The following DNER variants were observed in gnomAD, a reference collection of about 807,000 sequenced individuals.
DNER encodes delta/notch like EGF repeat containing, also known as delta and Notch-like epidermal growth factor-related receptor.
DNER carries 33 observed loss-of-function variants against 78.2 expected under a neutral mutation model. That is an observed-to-expected ratio of 0.42 (90% CI 0.32 to 0.56). The LOEUF (loss-of-function observed/expected upper bound fraction) is 0.56. Ranked by LOEUF, DNER falls within the 20% of genes least tolerant of loss-of-function variation. The pLI is 0.11. For synonymous variants in DNER, 417 were observed against 384.8 expected, an observed-to-expected ratio of 1.08 and a Z score of -0.98; for missense variants, 918 against 975.3, an observed-to-expected ratio of 0.94 and a Z score of 0.78.
At chr2:229,442,157 A>T (rs1287265473) in intron 8 of DNER, among the ~76,000 whole-genome samples, 1 of 152,168 alleles carries the variant, frequency 6.6e-6, no homozygotes, top group Non-Finnish European at 1.5e-5. Flanking sequence ...ATTCTATACA[A>T]TCTACAACTC....
chr2:229,369,713 C>T (rs913775996), intron 11 of DNER, among the ~76,000 whole-genome samples: 1 of 152,176 alleles, frequency 6.6e-6, no homozygotes, highest in Admixed American at 6.5e-5. Flanking sequence ...ACAATGTAAT[C>T]TCTGTGATTG....
intron 11 of DNER, among the ~76,000 whole-genome samples, chr2:229,370,524 G>C (rs1366002667): frequency 2.0e-5 from 3 of 152,188 alleles, no homozygotes; most frequent in African/African-American, 7.2e-5. Flanking sequence ...AAGGGAGAAG[G>C]TGTTTGGGGA....
At chr2:229,433,181 G>A (rs59561231) in intron 8 of DNER, among the ~76,000 whole-genome samples, 5,111 of 152,162 alleles carry the variant, frequency 0.034, 271 homozygotes, top group African/African-American at 0.11. Context: ...TATGTGATCC[G>A]TCCGCCTTGG....
intron 1 of DNER, among the ~76,000 whole-genome samples, chr2:229,624,078 G>A (rs1333225411): frequency 6.6e-6 from 1 of 152,156 alleles, no homozygotes; most frequent in African/African-American, 2.4e-5. Flanking sequence ...AAATTTTTCA[G>A]ACAGTGTTTA....
At chr2:229,501,347 A>G (rs139064384) in intron 6 of DNER, among the ~76,000 whole-genome samples, 2,029 of 152,090 alleles carry the variant, frequency 0.013, 22 homozygotes, top group Non-Finnish European at 0.023. Flanking sequence ...AAAAAAAAGA[A>G]AAAGAAAACT....
At chr2:229,469,605 A>T (rs1694879572) in intron 7 of DNER, among the ~76,000 whole-genome samples, 1 of 152,208 alleles carries the variant, frequency 6.6e-6, no homozygotes, top group African/African-American at 2.4e-5. Context: ...AGCAAAGTCT[A>T]CTTGAGCCTC....
chr2:229,539,207 T>G (rs1468123879), intron 5 of DNER, among the ~76,000 whole-genome samples: 10 of 152,212 alleles, frequency 6.6e-5, no homozygotes, highest in Admixed American at 6.5e-4. Flanking sequence ...CAATGTCTCA[T>G]GAGGACCTTT....
chr2:229,473,119 T>C (rs953827485), intron 7 of DNER, among the ~76,000 whole-genome samples: 5 of 152,168 alleles, frequency 3.3e-5, no homozygotes, highest in African/African-American at 9.7e-5. Flanking sequence ...AGGATGCGGA[T>C]GTGTGCTGTC....
intron 5 of DNER, among the ~76,000 whole-genome samples, chr2:229,544,006 C>T (rs1440095845): frequency 6.6e-6 from 1 of 152,056 alleles, no homozygotes; most frequent in Non-Finnish European, 1.5e-5. Flanking sequence ...CACACGCCAC[C>T]CCACTTGCCC....
intron 1 of DNER, among the ~76,000 whole-genome samples, chr2:229,596,116 G>C (rs1013246228): frequency 5.9e-5 from 9 of 151,776 alleles, no homozygotes; most frequent in Non-Finnish European, 1.2e-4. Context: ...TAATTTACTT[G>C]TGTATCCACA....
At chr2:229,420,016 A>G (rs13409256) in intron 8 of DNER, among the ~76,000 whole-genome samples, 50,569 of 149,962 alleles carry the variant, frequency 0.34, 10,377 homozygotes, top group African/African-American at 0.57. Flanking sequence ...CCAGAAAAAA[A>G]TAACAATACA....
intron 1 of DNER, among the ~76,000 whole-genome samples, chr2:229,669,750 C>T (rs1699175533): frequency 6.6e-6 from 1 of 152,088 alleles, no homozygotes; most frequent in Non-Finnish European, 1.5e-5. Flanking sequence ...GATTTTTGCA[C>T]ATTGATTTTG....
chr2:229,359,146 G>A (rs1402405778), intron 12 of DNER, among the ~76,000 whole-genome samples: 1 of 152,126 alleles, frequency 6.6e-6, no homozygotes, highest in Non-Finnish European at 1.5e-5. Flanking sequence ...AACACAAAAG[G>A]GCAGAGGTGG....
At chr2:229,381,165 A>G (rs1692726452) in intron 11 of DNER, among the ~76,000 whole-genome samples, 1 of 151,956 alleles carries the variant, frequency 6.6e-6, no homozygotes, top group Non-Finnish European at 1.5e-5. Context: ...CGGGAAACAC[A>G]AGGGGTCAAG....
intron 1 of DNER, among the ~76,000 whole-genome samples, chr2:229,638,191 G>T (rs529892471): frequency 6.6e-6 from 1 of 152,100 alleles, no homozygotes; most frequent in East Asian, 1.9e-4. Context: ...CTTTTTTATA[G>T]AGATTGAAAA....
chr2:229,549,869 C>A (rs981159012), intron 4 of DNER, among the ~76,000 whole-genome samples: 1 of 150,032 alleles, frequency 6.7e-6, no homozygotes, highest in Admixed American at 6.6e-5. Flanking sequence ...CAAGATCGTG[C>A]CACTGCACTC....
chr2:229,516,800 A>AAAAAAG lies in DNER; in HGVS notation c.994-3865_994-3864insCTTTTT, dbSNP rs1553536934. Reference sequence around the variant, plus strand: ...ACGCTGTCTCTAAAAAAAAAAAAAAAAAAAGAAAAGAAAAGAAAAGAAAAA... The same window carrying AAAAAAG: ...ACGCTGTCTCTAAAAAAAAAAAAAAAAAAAAGAAAAGAAAAGAAAAGAAAAGAAAAA... On this transcript the variant is annotated intron_variant, in intron 5 of 12. Coordinates refer to ENST00000341772, the MANE Select transcript of DNER (RefSeq NM_139072.4). Among the ~76,000 whole-genome samples the AAAAAAG allele has an allele frequency of 4.9e-3, 643 of 131,176 alleles. 6 individuals carry two copies. The highest frequency in any genetic ancestry group is 0.04 in the South Asian group (158 of 3,996). The allele number at this position is 131,176 out of a possible 152,430, so 86.1% of individuals were successfully genotyped here.
Position 229,388,280 on chromosome 2 carries a change from C to A in DNER, c.1840G>T (p.Ala614Ser). The part of the protein sequence containing the change: ...NCHCPHGWVG[A>S]NCEIHLQWKS... ...AAATACTTACGGATCTCACAGTTTG[C>A]TCCCACCCAACCATGCGGGCAGTGG... Residue 614 changes from alanine (A) to serine (S), a missense_variant, in exon 11 of 13, where the codon GCA becomes TCA. Transcript: ENST00000341772. The A allele has an allele frequency of 6.2e-7, 1 of 1,607,624 alleles. No individual in the cohort carries two copies. Among genetic ancestry groups the A allele is most frequent in the African/African-American group, 1.3e-5 (1 of 74,518 alleles).
At chr2:229,408,452 C>T (rs1574830076) in intron 9 of DNER, among the ~76,000 whole-genome samples, 1 of 152,202 alleles carries the variant, frequency 6.6e-6, no homozygotes, top group South Asian at 2.1e-4. Context: ...CTATCCCCAC[C>T]CTTTGGAGAG....
Sources: allele counts gnomAD v4.1 joint callset (sites outside exome capture counted in the v4.1 genomes callset), GRCh38; gene constraint gnomAD v4.1.1; transcripts MANE v1.5; gene names NCBI Gene and HGNC (gene_info 2026-07-23, HGNC 2026-07-21).